Variants in POTEJ observed in about 807,000 individuals in gnomAD.
POTEJ encodes the protein POTE ankyrin domain family member J.
A neutral mutation model predicts 69.0 loss-of-function variants in POTEJ; 11 were observed. The ratio of observed to expected loss-of-function variants is 0.16; its 90% CI spans 0.10 to 0.26. The LOEUF (loss-of-function observed/expected upper bound fraction) is 0.26, where lower values mean the gene tolerates loss of function less well. Ranked by LOEUF, POTEJ falls within the 10% of genes least tolerant of loss-of-function variation. The probability of loss-of-function intolerance (pLI) is 1.00; values close to 1 mark genes in which losing one functional copy is unlikely to be tolerated. For synonymous variants in POTEJ, 117 were observed against 381.1 expected (o/e 0.31, Z 8.07); for missense variants, 327 against 1,045.5 (o/e 0.31, Z 9.48).
upstream of POTEJ, among the ~76,000 whole-genome samples, chr2:130,611,298 T>C (rs1188455304): frequency 1.8e-3 from 155 of 84,952 alleles, 2 homozygotes; most frequent in African/African-American, 9.0e-3. Flanking sequence ...GGGTGTTTTC[T>C]TGGGGGGGGG....
chr2:130,624,397 G>A (rs1161198835), intron 6 of POTEJ, among the ~76,000 whole-genome samples: 1 of 143,078 alleles, frequency 7.0e-6, no homozygotes, highest in African/African-American at 2.9e-5. Context: ...GGTCTCATCT[G>A]GGGGCAAAGT....
chr2:130,635,020 G>T (rs1686040310), intron 9 of POTEJ, among the ~76,000 whole-genome samples: 1 of 147,518 alleles, frequency 6.8e-6, no homozygotes. Flanking sequence ...GTCTTCACTT[G>T]GCTTTCAGGA....
chr2:130,640,976 T>C (rs1686344792), intron 10 of POTEJ, among the ~76,000 whole-genome samples: 1 of 151,898 alleles, frequency 6.6e-6, no homozygotes, highest in African/African-American at 2.4e-5. Context: ...CTGGTTATGG[T>C]GTAAAATGGG....
intron 9 of POTEJ, among the ~76,000 whole-genome samples, chr2:130,636,919 A>C (rs1334322334): frequency 6.8e-6 from 1 of 146,788 alleles, no homozygotes; most frequent in Non-Finnish European, 1.5e-5. Context: ...TCTACTAAAA[A>C]TACAAAAAAA....
intron 9 of POTEJ, among the ~76,000 whole-genome samples, chr2:130,637,699 T>C (rs1686155987): frequency 6.6e-6 from 1 of 152,274 alleles, no homozygotes; most frequent in Non-Finnish European, 1.5e-5. Context: ...TGTTAAAAAT[T>C]AGAGAATGCC....
rs1687060949 is a variant in POTEJ, at chr2:130,657,559, A to C, written c.2799A>C (p.Glu933Asp). ...ALFQPCFLGM[E>D]SCGIHETTFN... Reference sequence around the variant, plus strand: ...TCCAGCCTTGCTTCCTGGGCATGGAATCCTGTGGCATCCATGAAACTACCT... The same window carrying C: ...TCCAGCCTTGCTTCCTGGGCATGGACTCCTGTGGCATCCATGAAACTACCT... Residue 933 changes from glutamate (E) to aspartate (D), a missense_variant, in exon 15 of 15, where the codon GAA becomes GAC. Coordinates refer to ENST00000409602, the MANE Select transcript of POTEJ (RefSeq NM_001277083.2). 2 of 1,557,430 alleles carry C rather than the reference A, an allele frequency of 1.3e-6. No homozygotes were observed. The highest frequency in any genetic ancestry group is 1.7e-6 in the Non-Finnish European group (2 of 1,144,622).
chr2:130,613,503 G>A (rs1353280405), intron 1 of POTEJ, among the ~76,000 whole-genome samples: 2 of 137,506 alleles, frequency 1.5e-5, no homozygotes, highest in African/African-American at 5.7e-5. Context: ...CTAGGTTCAA[G>A]CAATTCTCTG....
chr2:130,641,733 G>T (rs1686383944), intron 10 of POTEJ, among the ~76,000 whole-genome samples: 1 of 151,938 alleles, frequency 6.6e-6, no homozygotes, highest in African/African-American at 2.4e-5. Flanking sequence ...ATGTTTAATG[G>T]AATATTCGTG....
intron 9 of POTEJ, among the ~76,000 whole-genome samples, chr2:130,638,300 G>T (rs1396803408): frequency 6.6e-6 from 1 of 151,720 alleles, no homozygotes; most frequent in African/African-American, 2.4e-5. Context: ...GAAGCAGCTT[G>T]TTCAAGAGCA....
chr2:130,615,777 C>A lies in POTEJ; in HGVS notation c.411-1013C>A, dbSNP rs1448186063. 4.0e-5 allele frequency among the ~76,000 whole-genome samples: 6 copies of A among 148,874 alleles called. No individual in the cohort carries two copies. The East Asian group carries it at 9.6e-4, about 24-fold the overall frequency. ...CCCTGAATGTAAAAGTTGAAAAAAG[C>A]TCCACAAATAGTTTCATAAATCCAT... On this transcript the variant is annotated intron_variant, in intron 1 of 14. Transcript: ENST00000409602.
At position 130,613,384 on chromosome 2, in the gene POTEJ, GTATA is replaced by G. The variant is rs753097212; in HGVS notation, c.410+1465_410+1468del. 3.8e-3 allele frequency among the ~76,000 whole-genome samples: 320 copies of G among 83,562 alleles called. 13 individuals carry two copies. The highest frequency in any genetic ancestry group is 0.019 in the East Asian group (51 of 2,744). The allele number at this position is 83,562 out of a possible 152,430, so 54.8% of individuals were successfully genotyped here. On this transcript the variant is annotated intron_variant, in intron 1 of 14. Transcript: ENST00000409602. ...TATACATATATATGTGTGTGTGTGT[GTATA>G]TATATATATATATATATATATACTT... is the stretch of plus-strand genomic sequence containing the variant.
chr2:130,641,347 A>C (rs1686365712), intron 10 of POTEJ, among the ~76,000 whole-genome samples: 1 of 150,936 alleles, frequency 6.6e-6, no homozygotes, highest in Non-Finnish European at 1.5e-5. Context: ...ATAATGTTAG[A>C]AATCTCAGTT....
At chr2:130,612,410 G>C (rs1300502920) in intron 1 of POTEJ, among the ~76,000 whole-genome samples, 2 of 150,194 alleles carry the variant, frequency 1.3e-5, no homozygotes, top group African/African-American at 2.4e-5. Flanking sequence ...AGGAACCTTA[G>C]AAGGAAACTG....
At chr2:130,629,639 C>G (rs1685835338) in intron 6 of POTEJ, among the ~76,000 whole-genome samples, 1 of 150,100 alleles carries the variant, frequency 6.7e-6, no homozygotes, top group African/African-American at 2.5e-5. Context: ...ACATTTACTG[C>G]TTCACTATTA....
chr2:130,626,606 G>A (rs1436477587), intron 6 of POTEJ, among the ~76,000 whole-genome samples: 7 of 152,162 alleles, frequency 4.6e-5, no homozygotes, highest in Admixed American at 2.0e-4. Context: ...AAACCATAAG[G>A]CAGATTGGAT....
chr2:130,655,545 T>C (rs1686956088), intron 14 of POTEJ, among the ~76,000 whole-genome samples: 2 of 152,366 alleles, frequency 1.3e-5, no homozygotes, highest in African/African-American at 2.4e-5. Context: ...AACAATGACA[T>C]GCCATGATAC....
At chr2:130,639,989 C>T (rs1371721345) in intron 10 of POTEJ, among the ~76,000 whole-genome samples, 3 of 152,040 alleles carry the variant, frequency 2.0e-5, no homozygotes, top group Non-Finnish European at 4.4e-5. Flanking sequence ...GTGCTAGATG[C>T]CCACTGGAAT....
intron 3 of POTEJ, among the ~76,000 whole-genome samples, chr2:130,618,774 C>CTTTTTTTT (rs1204750696): frequency 2.2e-4 from 7 of 32,218 alleles, no homozygotes; most frequent in Non-Finnish European, 2.5e-4. Context: ...ATTAATCTGA[C>CTTTTTTTT]TTTTTTTTTT....
At chr2:130,633,993 T>A (rs1264841141) in intron 9 of POTEJ, among the ~76,000 whole-genome samples, 2 of 151,152 alleles carry the variant, frequency 1.3e-5, no homozygotes, top group East Asian at 1.9e-4. Context: ...CTCACTGCAG[T>A]CTTGACTTTC....
Sources: allele counts gnomAD v4.1 joint callset (sites outside exome capture counted in the v4.1 genomes callset), GRCh38; gene constraint gnomAD v4.1.1; transcripts MANE v1.5; gene names NCBI Gene and HGNC (gene_info 2026-07-23, HGNC 2026-07-21).